WDR59: variants seen among roughly 807,000 people sequenced by gnomAD.
The protein encoded by WDR59 is GATOR2 complex protein WDR59.
WDR59 carries 100 observed loss-of-function variants against 131.2 expected under a neutral mutation model. That is an observed-to-expected ratio of 0.76 (90% CI 0.65 to 0.90). The LOEUF (loss-of-function observed/expected upper bound fraction) is 0.90, where lower values mean the gene tolerates loss of function less well. Among genes scored for constraint, WDR59 ranks in the 40% least tolerant of loss-of-function variants. The probability of loss-of-function intolerance (pLI) is 0.00; values close to 1 mark genes in which losing one functional copy is unlikely to be tolerated. For synonymous variants in WDR59, 601 were observed against 466.2 expected, an observed-to-expected ratio of 1.29 and a Z score of -3.72; for missense variants, 1,203 against 1,262.2, an observed-to-expected ratio of 0.95 and a Z score of 0.71.
intron 3 of WDR59, among the ~76,000 whole-genome samples, chr16:74,953,804 A>T (rs958853025): frequency 6.6e-6 from 1 of 151,500 alleles, no homozygotes; most frequent in Non-Finnish European, 1.5e-5. Context: ...GATCGAGACC[A>T]TCCTGGCTAA....
intron 2 of WDR59, among the ~76,000 whole-genome samples, chr16:74,964,677 T>A (rs2033694113): frequency 6.6e-6 from 1 of 152,090 alleles, no homozygotes; most frequent in Non-Finnish European, 1.5e-5. Context: ...ACAACTACAT[T>A]AATGAAAATA....
intron 2 of WDR59, among the ~76,000 whole-genome samples, chr16:74,958,840 ATCACCTGAGG>A (rs72448786): frequency 0.31 from 47,552 of 151,508 alleles, 8,197 homozygotes; most frequent in East Asian, 0.72. Flanking sequence ...AGGCGGATGG[ATCACCTGAGG>A]TCAGGAGTTC....
intron 8 of WDR59, among the ~76,000 whole-genome samples, chr16:74,935,970 C>G (rs111518916): frequency 4.0e-5 from 6 of 151,740 alleles, no homozygotes; most frequent in African/African-American, 1.5e-4. Flanking sequence ...GCACTCCAAC[C>G]CGGGTGACAG....
intron 18 of WDR59, among the ~76,000 whole-genome samples, chr16:74,903,230 T>G (rs1374609694): frequency 6.6e-6 from 1 of 152,230 alleles, no homozygotes; most frequent in Non-Finnish European, 1.5e-5. Flanking sequence ...AGGACTGAGT[T>G]TGTGCAGTGC....
intron 9 of WDR59, among the ~76,000 whole-genome samples, chr16:74,923,325 C>A (rs536725418): frequency 6.6e-6 from 1 of 152,140 alleles, no homozygotes; most frequent in Non-Finnish European, 1.5e-5. Context: ...CCACAATTCA[C>A]AGACCTCAAG....
chr16:74,915,816 T>G (rs1215922531), intron 13 of WDR59, 54 bp downstream of exon 13: 1 of 1,610,320 alleles, frequency 6.2e-7, no homozygotes, highest in Non-Finnish European at 8.5e-7. Context: ...AATGGTTCCC[T>G]CTCCCACAAA....
At chr16:74,935,999 A>G (rs944359733) in intron 8 of WDR59, among the ~76,000 whole-genome samples, 1 of 151,556 alleles carries the variant, frequency 6.6e-6, no homozygotes, top group Admixed American at 6.6e-5. Context: ...TCCACCTCAA[A>G]AAAAAAAAAA....
intron 1 of WDR59, among the ~76,000 whole-genome samples, chr16:74,980,273 T>C (rs923049692): frequency 1.3e-5 from 2 of 152,082 alleles, no homozygotes; most frequent in Non-Finnish European, 2.9e-5. Context: ...AAAGCATTGT[T>C]TCATAAAATA....
chr16:74,943,378 C>T (rs1399155724), intron 6 of WDR59, among the ~76,000 whole-genome samples: 3 of 152,098 alleles, frequency 2.0e-5, no homozygotes, highest in Non-Finnish European at 4.4e-5. Context: ...TCCCCATCAG[C>T]TATGTCAGCC....
chr16:74,984,783 T>C, intron 1 of WDR59, 181 bp downstream of exon 1: 1 of 782,354 alleles, frequency 1.3e-6, no homozygotes, highest in African/African-American at 1.7e-5. Context: ...CTCGCCCCGA[T>C]TGCCCCCGAT....
rs776092531 is a variant in WDR59 at position 74,892,481 on chromosome 16, T to C, written c.2082+3A>G. On this transcript the variant is annotated splice_donor_region_variant and intron_variant, in intron 20 of 25. Transcript: ENST00000262144. The stretch of plus-strand genomic sequence containing the variant: ...AATCTCCACCAAAAGGGATGGACAA[T>C]ACCTGGACAAGATCCTTTCTTCCAA... 3 of 1,613,014 alleles carry C rather than the reference T, an allele frequency of 1.9e-6. No homozygotes were observed. Among genetic ancestry groups the C allele is most frequent in the Non-Finnish European group, 2.5e-6 (3 of 1,179,310 alleles).
At chr16:74,888,364 T>A (rs369370999) in intron 21 of WDR59, 45 bp from the exon 22 acceptor site, 15 of 1,582,270 alleles carry the variant, frequency 9.5e-6, no homozygotes, top group Non-Finnish European at 1.3e-5. Flanking sequence ...GGAGGAGGGA[T>A]TGAGGAGGAA....
intron 8 of WDR59, 55 bp downstream of exon 8, chr16:74,938,095 A>G: frequency 1.6e-6 from 2 of 1,237,500 alleles, no homozygotes; most frequent in Non-Finnish European, 2.2e-6. Flanking sequence ...GGAATCATAC[A>G]TCCCTGATGC....
chr16:74,948,308 A>T (rs2032775236), intron 6 of WDR59, among the ~76,000 whole-genome samples: 1 of 152,326 alleles, frequency 6.6e-6, no homozygotes, highest in East Asian at 1.9e-4. Context: ...CTCCACACCC[A>T]ACAGTCCTAA....
chr16:74,942,677 C>A (rs2032323579), intron 7 of WDR59, 61 bp downstream of exon 7: 1 of 1,557,960 alleles, frequency 6.4e-7, no homozygotes, highest in South Asian at 1.1e-5. Context: ...CTCATAAAAT[C>A]ATCTTCACAC....
rs574345082 is a variant in WDR59, at chr16:74,909,231, C to A, written c.1643-254G>T. Among the ~76,000 whole-genome samples, 244 of 152,056 alleles carry A rather than the reference C, an allele frequency of 1.6e-3. 4 individuals carry two copies. In the South Asian group the frequency reaches 0.044, roughly 27 times the overall value. ...TCTAAGCCTCCCTACCAGGCGAATG[C>A]CCCCTGCTAAGAATCAGGGCTCTGA... On this transcript the variant is annotated intron_variant, in intron 16 of 25. Transcript: ENST00000262144.
Position 74,910,198 on chromosome 16 carries a change from C to T in WDR59, c.1390-281G>A, listed in dbSNP as rs755877878. Among the ~76,000 whole-genome samples the T allele has an allele frequency of 2.8e-4, 42 of 152,048 alleles. 2 individuals are homozygous for T. Among genetic ancestry groups the T allele is most frequent in the Middle Eastern group, 6.3e-3 (2 of 316 alleles). On this transcript the variant is annotated intron_variant, in intron 14 of 25. Transcript: ENST00000262144. ...GGCCAGGCTGGTCTCGAACTCCTGACCTCAAGTGATCTGCCCATCTCGGCC... is the reference window on the plus strand; with the variant it reads ...GGCCAGGCTGGTCTCGAACTCCTGATCTCAAGTGATCTGCCCATCTCGGCC...
intron 18 of WDR59, among the ~76,000 whole-genome samples, chr16:74,902,898 G>T (rs1187132722): frequency 6.6e-6 from 1 of 151,796 alleles, no homozygotes; most frequent in Non-Finnish European, 1.5e-5. Flanking sequence ...GTGAGGAAGG[G>T]GACTATAGGA....
chr16:74,945,370 G>A (rs576177278), intron 6 of WDR59, among the ~76,000 whole-genome samples: 7 of 151,834 alleles, frequency 4.6e-5, no homozygotes, highest in East Asian at 2.0e-4. Context: ...CCAGCTACTC[G>A]GGAGGCTGAG....
Sources: gnomAD v4.1 joint callset for allele counts (sites outside exome capture counted in the v4.1 genomes callset) on GRCh38, gnomAD v4.1.1 for gene constraint, MANE v1.5 for transcripts, NCBI Gene and HGNC (gene_info 2026-07-23, HGNC 2026-07-21) for gene names.